Variants in CEP76 observed in about 807,000 individuals in gnomAD.
CEP76 encodes centrosomal protein 76.
Under a neutral mutation model 83.3 loss-of-function variants are expected in CEP76, and 55 were observed. The observed-to-expected ratio is 0.66, with a 90% CI of 0.53 to 0.83. The LOEUF is 0.83. Among genes scored for constraint, CEP76 ranks in the 40% least tolerant of loss-of-function variants. The probability of loss-of-function intolerance (pLI) is 0.00; values close to 1 mark genes in which losing one functional copy is unlikely to be tolerated. For missense variants in CEP76, 694 were observed against 799.5 expected, an observed-to-expected ratio of 0.87 and a Z score of 1.59; for synonymous variants, 270 against 274.5, an observed-to-expected ratio of 0.98 and a Z score of 0.16.
chr18:12,702,659 C>A lies in CEP76; in HGVS notation c.-111G>T. 1 of 1,275,416 alleles carries A rather than the reference C, an allele frequency of 7.8e-7. No homozygotes were observed. Among genetic ancestry groups the A allele is most frequent in the Non-Finnish European group, 1.1e-6 (1 of 938,944 alleles). The allele number at this position is 1,275,416 out of a possible 1,614,324, so 79.0% of individuals were successfully genotyped here. ...GCGACTGGAGCACAAAGCGCCGCAG[C>A]CGTTCGCCTAGCGCAGCTCCCGGGG... is the stretch of plus-strand genomic sequence containing the variant. On this transcript the variant is annotated 5_prime_UTR_variant, in exon 1 of 12. Transcript: ENST00000262127.
Position 12,691,455 on chromosome 18 carries a change from T to C in CEP76, c.837A>G (p.Lys279=), listed in dbSNP as rs748803607. The C allele has an allele frequency of 1.2e-6, 2 of 1,605,060 alleles. No homozygotes were observed. The highest frequency in any genetic ancestry group is 2.3e-5 in the South Asian group (2 of 88,486). Residue 279 remains lysine, a synonymous_variant, in exon 7 of 12, where the codon AAA becomes AAG. Transcript: ENST00000262127. The stretch of plus-strand genomic sequence containing the variant: ...TAGCATATACAAGAAATAATCGCTC[T>C]TTCTCTGCAGTTTTCTGACGTTCCA... ...LALERQKTAE[K]ERLFLVYAKQ...
intron 8 of CEP76, 91 bp downstream of exon 8, chr18:12,686,171 C>T: frequency 1.9e-6 from 2 of 1,036,212 alleles, no homozygotes; most frequent in East Asian, 2.6e-5. Flanking sequence ...ACTATATGTG[C>T]ATTTTTCTAA....
At chr18:12,669,114 C>T (rs1192793196), downstream of CEP76, among the ~76,000 whole-genome samples, 9 of 122,056 alleles carry the variant, frequency 7.4e-5, no homozygotes, top group African/African-American at 2.0e-4. Flanking sequence ...TCTCAGCTCA[C>T]GGCAACCTCT....
chr18:12,700,440 A>C (rs1343985203), intron 2 of CEP76: 1 of 152,768 alleles, frequency 6.5e-6, no homozygotes, highest in Non-Finnish European at 1.5e-5. Context: ...CCTCACTTTC[A>C]AATGAAGGCC....
chr18:12,662,538 G>C (rs2038714379), intron 12 of CEP76, among the ~76,000 whole-genome samples: 1 of 152,340 alleles, frequency 6.6e-6, no homozygotes, highest in South Asian at 2.1e-4. Context: ...CACTTTGGGA[G>C]GCTGAGGCAG....
In CEP76 at chr18:12,682,097, T is replaced by C. The variant is rs188566143; in HGVS notation, c.1123-1269A>G. Among the ~76,000 whole-genome samples, 280 of 152,268 alleles carry C rather than the reference T, an allele frequency of 1.8e-3. 1 individual carries two copies. The highest frequency in any genetic ancestry group is 6.2e-3 in the African/African-American group (257 of 41,560). On this transcript the variant is annotated intron_variant, in intron 8 of 11. Coordinates refer to ENST00000262127, the MANE Select transcript of CEP76 (RefSeq NM_024899.4). ...CTATGGTTACAATTTCGTATTTAAGTGTAGGAAGACTACACGCGAAAGCAA... is the reference window on the plus strand; with the variant it reads ...CTATGGTTACAATTTCGTATTTAAGCGTAGGAAGACTACACGCGAAAGCAA...
rs2040090691 is a variant in CEP76 at position 12,699,876 on chromosome 18, A to G, written c.249T>C (p.Ser83=). The G allele has an allele frequency of 1.1e-5, 18 of 1,598,368 alleles. No homozygotes were observed. The highest frequency in any genetic ancestry group is 1.5e-5 in the Non-Finnish European group (17 of 1,172,172). Residue 83 remains serine (S), a synonymous_variant, in exon 3 of 12, where the codon TCT becomes TCC. Coordinates refer to ENST00000262127, the MANE Select transcript of CEP76 (RefSeq NM_024899.4). ...TDSVEQELPS[S]PKQPICFDRQ... ...TATCAAAACAAATAGGTTGTTTTGG[A>G]GAGGAAGGGAGTTCTTGCTCAACAC...
At chr18:12,674,347 T>C (rs1598614796) in intron 11 of CEP76, among the ~76,000 whole-genome samples, 189 bp downstream of exon 11, 1 of 146,164 alleles carries the variant, frequency 6.8e-6, no homozygotes, top group Non-Finnish European at 1.5e-5. Context: ...GAGGGTGAGG[T>C]GGAAGGGTCA....
intron 1 of CEP76, among the ~76,000 whole-genome samples, chr18:12,702,233 C>T (rs1260429263): frequency 6.6e-6 from 1 of 152,210 alleles, no homozygotes; most frequent in African/African-American, 2.4e-5. Flanking sequence ...TTCTCACGGC[C>T]GTCCTAAAAC....
rs1046759668 is a variant in CEP76, at chr18:12,695,469, A to G, written c.707-118T>C. On this transcript the variant is annotated intron_variant, in intron 5 of 11. Transcript: ENST00000262127. Reference sequence around the variant, plus strand: ...GTTTTATCACTTACATGGAATAAAGATAACATTCAACATTACCTTTAATAT... The same window carrying G: ...GTTTTATCACTTACATGGAATAAAGGTAACATTCAACATTACCTTTAATAT... 1.4e-5 allele frequency: 7 copies of G among 484,180 alleles called. No homozygotes were observed. In the Admixed American group the frequency reaches 1.6e-4, roughly 11 times the overall value. 30.0% of individuals were successfully genotyped at this position (484,180 alleles called of 1,614,324 possible).
chr18:12,692,640 A>G (rs904257780), intron 6 of CEP76, among the ~76,000 whole-genome samples: 3 of 152,166 alleles, frequency 2.0e-5, no homozygotes, highest in Admixed American at 1.3e-4. Flanking sequence ...ATAATTCTCC[A>G]TAAAACACCT....
intron 7 of CEP76, among the ~76,000 whole-genome samples, chr18:12,688,972 G>T (rs1182650447): frequency 6.6e-6 from 1 of 152,146 alleles, no homozygotes; most frequent in African/African-American, 2.4e-5. Flanking sequence ...AAATTAGCCA[G>T]GCATGGTGGC....
At chr18:12,672,304 CAG>C (rs1334466079), downstream of CEP76, among the ~76,000 whole-genome samples, 1 of 151,904 alleles carries the variant, frequency 6.6e-6, no homozygotes, top group Non-Finnish European at 1.5e-5. Context: ...TTAGTAGAGA[CAG>C]GGTTTCACCA....
At chr18:12,679,414 G>A (rs1461276298) in intron 9 of CEP76, 1 of 151,904 alleles carries the variant, frequency 6.6e-6, no homozygotes, top group Non-Finnish European at 1.5e-5. Flanking sequence ...TAGCAGGCAG[G>A]AAGCACACTA....
chr18:12,697,105 G>A (rs1206922561), intron 5 of CEP76, 118 bp downstream of exon 5: 4 of 725,614 alleles, frequency 5.5e-6, no homozygotes, highest in Admixed American at 3.3e-5. Context: ...TAACTCTAAC[G>A]AAATTCTATT....
chr18:12,671,670 A>G (rs2038950666), downstream of CEP76, among the ~76,000 whole-genome samples: 1 of 114,516 alleles, frequency 8.7e-6, no homozygotes, highest in Non-Finnish European at 1.7e-5. Context: ...TTTTTTTGAG[A>G]CAGAGTCTTG....
rs1378729407 is a variant in CEP76 at position 12,686,329 on chromosome 18, G to A, written c.1055C>T (p.Pro352Leu). 3.1e-6 allele frequency: 5 copies of A among 1,613,838 alleles called. No individual in the cohort carries two copies. The highest frequency in any genetic ancestry group is 4.2e-6 in the Non-Finnish European group (5 of 1,179,888). ...CTGTTTACCTCCTCCTCCAATAACA[G>A]GGGCTCGTTCATAACCAAGGACATT... ...FVNVLGYERA[P>L]VIGGGGKQEQ... Residue 352 changes from proline (P) to leucine (L), a missense_variant, in exon 8 of 12, where the codon CCT becomes CTT. Pro to Leu is a moderately conservative substitution (Grantham distance 98). Transcript: ENST00000262127.
In CEP76 at chr18:12,674,680, A is replaced by G; in HGVS notation, c.1697T>C (p.Phe566Ser). The change falls in exon 11 of 12, where the codon TTT becomes TCT. Residue 566 changes from phenylalanine to serine, a missense_variant. Phe to Ser is a radical substitution (Grantham distance 155). Coordinates refer to ENST00000262127, the MANE Select transcript of CEP76 (RefSeq NM_024899.4). ...LLSPALASYE[F>S]ERTTSISAGN... is the part of the protein sequence containing the mutation. The stretch of plus-strand genomic sequence containing the variant: ...TGCTGATATACTTGTTGTACGCTCA[A>G]ATTCATAAGAAGCCAAAGCTGGTGA... The G allele has an allele frequency of 6.2e-7, 1 of 1,614,138 alleles. No homozygotes were observed. The highest frequency in any genetic ancestry group is 8.5e-7 in the Non-Finnish European group (1 of 1,180,030).
In CEP76 at chr18:12,699,004, T is replaced by G. The variant is rs2040057819; in HGVS notation, c.495A>C (p.Leu165Phe). The change falls in exon 4 of 12, where the codon TTA (leucine) becomes TTC (phenylalanine). Residue 165 changes from leucine (L) to phenylalanine (F), a missense_variant. Transcript: ENST00000262127. ...ACEPDFHDGF[L>F]LEVHRESLGD... Reference sequence around the variant, plus strand: ...CCAAGCTTTCTCTGTGTACTTCAAGTAAAAAGCCATCATGAAAATCTGGTT... The same window carrying G: ...CCAAGCTTTCTCTGTGTACTTCAAGGAAAAAGCCATCATGAAAATCTGGTT... The G allele has an allele frequency of 3.7e-6, 6 of 1,613,204 alleles. No individual in the cohort carries two copies. Among genetic ancestry groups the G allele is most frequent in the Non-Finnish European group, 5.1e-6 (6 of 1,179,414 alleles).
Sources: allele counts gnomAD v4.1 joint callset (sites outside exome capture counted in the v4.1 genomes callset), GRCh38; gene constraint gnomAD v4.1.1; transcripts MANE v1.5; gene names NCBI Gene and HGNC (gene_info 2026-07-23, HGNC 2026-07-21).